VILL: variants seen among roughly 807,000 people sequenced by gnomAD.
VILL encodes villin like.
A neutral mutation model predicts 106.3 loss-of-function variants in VILL; 102 were observed. The ratio of observed to expected loss-of-function variants is 0.96; its 90% confidence interval spans 0.82 to 1.13. The LOEUF (loss-of-function observed/expected upper bound fraction) is 1.13. Among genes scored for constraint, VILL ranks in the 50% most tolerant of loss-of-function variants. VILL has a pLI of 0.00. For synonymous variants in VILL, 431 were observed against 440.3 expected (o/e 0.98, Z 0.27); for missense variants, 1,076 against 1,116.6 (o/e 0.96, Z 0.52).
At chr3:37,996,697 T>C (rs571514678) in intron 5 of VILL, among the ~76,000 whole-genome samples, 1 of 152,304 alleles carries the variant, frequency 6.6e-6, no homozygotes, top group East Asian at 1.9e-4. Context: ...TTATCTAAAG[T>C]ACTCCCTTTT....
upstream of VILL, among the ~76,000 whole-genome samples, chr3:37,988,882 AAG>A (rs1223543959): frequency 1.3e-5 from 2 of 152,184 alleles, no homozygotes; most frequent in African/African-American, 4.8e-5. Context: ...CATAAATAAA[AAG>A]GGGATACAAT....
At chr3:37,991,895 T>A (rs1030703613) in intron 1 of VILL, among the ~76,000 whole-genome samples, 1 of 151,984 alleles carries the variant, frequency 6.6e-6, no homozygotes, top group South Asian at 2.1e-4. Flanking sequence ...GAGCACCCAT[T>A]CCTCCCTGGA....
Position 37,998,468 on chromosome 3 carries a change from A to C in VILL, c.942+104A>C, listed in dbSNP as rs1295443905. On this transcript the variant is annotated intron_variant, in intron 9 of 19. Transcript: ENST00000383759. The surrounding 1 kb of genome is among the most constrained non-coding windows in gnomAD (Gnocchi z 4.1). ...CTAAGGGAGGAATCAGCCCTCCCCT[A>C]GAGTTTGAGTTGGGAAATCCTATGC... is the stretch of plus-strand genomic sequence containing the variant. The C allele has an allele frequency of 1.9e-6, 2 of 1,043,644 alleles. No individual in the cohort carries two copies. The allele number at this position is 1,043,644 out of a possible 1,614,324, so 64.6% of individuals were successfully genotyped here. A position where few individuals can be genotyped will look rare whatever the true frequency, so the allele number is the denominator to read the frequency against.
At chr3:38,001,378 C>G in intron 11 of VILL, 78 bp from the exon 12 acceptor site, 1 of 1,578,834 alleles carries the variant, frequency 6.3e-7, no homozygotes, top group Non-Finnish European at 8.6e-7. Context: ...CTGGGGAGAG[C>G]TTTCCGGTTG....
At chr3:38,002,214 A>C (rs1167134004) in intron 13 of VILL, 182 bp from the exon 14 acceptor site, 3 of 650,530 alleles carry the variant, frequency 4.6e-6, no homozygotes, top group African/African-American at 3.7e-5. Flanking sequence ...TCCCTGTCCC[A>C]GACTGATGGG....
At chr3:38,002,095 T>C in intron 13 of VILL, 1 of 714,758 alleles carries the variant, frequency 1.4e-6, no homozygotes, top group South Asian at 1.9e-5. Flanking sequence ...GGGGCTTGCC[T>C]GGGGCTGCAC....
rs138632357 is a variant in VILL, at chr3:37,999,644, T to C, written c.1182+205T>C. Among the ~76,000 whole-genome samples, 103 of 152,282 alleles carry C rather than the reference T, an allele frequency of 6.8e-4. 1 individual carries two copies. The East Asian group carries it at 0.017, about 25-fold the overall frequency. The stretch of plus-strand genomic sequence containing the variant: ...CCTAATCATACACAGCCACGGGCAC[T>C]CACACAACACAGACACACAGTACAG... On this transcript the variant is annotated intron_variant, in intron 11 of 19. Coordinates refer to ENST00000383759, the MANE Select transcript of VILL (RefSeq NM_015873.4).
intron 5 of VILL, among the ~76,000 whole-genome samples, chr3:37,996,265 G>A (rs74937282): frequency 0.016 from 2,373 of 152,276 alleles, 36 homozygotes; most frequent in Non-Finnish European, 0.027. Flanking sequence ...GCAGCACAGT[G>A]AGAGGTGGTG....
In VILL at chr3:37,998,871, G is replaced by C; in HGVS notation, c.943-41G>C. ...CCCCAGGAGCGGCAGTGGGGCAGTG[G>C]ACTCTCAGGGTCGCAGGACTGACGA... On this transcript the variant is annotated intron_variant, in intron 9 of 19. Transcript: ENST00000383759. This position sits in a 1 kb window ranked among gnomAD's most constrained non-coding sequence, Gnocchi z 4.1. The C allele has an allele frequency of 1.3e-6, 2 of 1,568,850 alleles. No individual in the cohort carries two copies. Among genetic ancestry groups the C allele is most frequent in the South Asian group, 2.3e-5 (2 of 88,368 alleles).
Position 37,993,977 on chromosome 3 carries a change from G to A in VILL, c.135+5G>A, listed in dbSNP as rs893877778. 1.8e-5 allele frequency: 29 copies of A among 1,614,084 alleles called. No homozygotes were observed. Among genetic ancestry groups the A allele is most frequent in the Non-Finnish European group, 2.4e-5 (28 of 1,180,032 alleles). On this transcript the variant is annotated splice_donor_5th_base_variant and intron_variant, in intron 3 of 19. Coordinates refer to ENST00000383759, the MANE Select transcript of VILL (RefSeq NM_015873.4). ...CACTGCTATGTCATCCTCCACGTGAGTCGCTTGGGGAAGTCTGCCTGAGAG... is the reference window on the plus strand; with the variant it reads ...CACTGCTATGTCATCCTCCACGTGAATCGCTTGGGGAAGTCTGCCTGAGAG...
chr3:37,990,890 G>C lies in VILL; in HGVS notation c.-87+61G>C, dbSNP rs1162503678. On this transcript the variant is annotated intron_variant, in intron 1 of 19. Transcript: ENST00000383759. This position sits in a 1 kb window ranked among gnomAD's most constrained non-coding sequence, Gnocchi z 5.1. ...CCAGGGAACCAGTGGGGCAGAGTGG[G>C]CTATTCAAGTCAAGGGCATAGAGCA... 6.6e-6 allele frequency: 1 copy of C among 152,460 alleles called. No homozygotes were observed. Among genetic ancestry groups the C allele is most frequent in the Non-Finnish European group, 1.5e-5 (1 of 68,230 alleles). 9.4% of individuals were successfully genotyped at this position (152,460 alleles called of 1,614,324 possible).
At position 37,998,774 on chromosome 3, in the gene VILL, C is replaced by G; in HGVS notation, c.943-138C>G. ...TCAGAGAAGTCGGTGGTGACAGAGT[C>G]AATTCGCTAAGTGGGTCATGAGCTC... On this transcript the variant is annotated intron_variant, in intron 9 of 19. Transcript: ENST00000383759. This position sits in a 1 kb window ranked among gnomAD's most constrained non-coding sequence, Gnocchi z 4.1. The G allele has an allele frequency of 7.1e-7, 1 of 1,402,356 alleles. No homozygotes were observed. The highest frequency in any genetic ancestry group is 9.4e-7 in the Non-Finnish European group (1 of 1,068,910). The allele number at this position is 1,402,356 out of a possible 1,614,324, so 86.9% of individuals were successfully genotyped here.
chr3:38,003,500 C>T, intron 15 of VILL, 187 bp downstream of exon 15: 4 of 727,742 alleles, frequency 5.5e-6, no homozygotes, highest in Non-Finnish European at 8.5e-6. Flanking sequence ...GGGTAACTTG[C>T]GTCTCTCAGA....
At position 37,997,538 on chromosome 3, in the gene VILL, A is replaced by AGG; in HGVS notation, c.618_619insGG (p.Ile207GlyfsTer68). 6.2e-7 allele frequency: 1 copy of AGG among 1,614,000 alleles called. No homozygotes were observed. Among genetic ancestry groups the AGG allele is most frequent in the South Asian group, 1.1e-5 (1 of 91,090 alleles). On this transcript the variant is annotated frameshift_variant, in exon 7 of 20. Coordinates refer to ENST00000383759, the MANE Select transcript of VILL (RefSeq NM_015873.4). LOFTEE classifies it high-confidence loss of function. This position sits in a 1 kb window ranked among gnomAD's most constrained non-coding sequence, Gnocchi z 4.7. ...AGGGAACGTGGTGGTGGTCGTGCAC[A>AGG]GATTGGTGTGGTGGATGATGAGGCC...
chr3:38,004,519 C>A, intron 16 of VILL, 120 bp downstream of exon 16: 1 of 1,342,182 alleles, frequency 7.5e-7, no homozygotes, highest in Non-Finnish European at 1.0e-6. Context: ...TGAGTCTGAC[C>A]CTGTCACTGA....
In VILL at chr3:38,004,237, G is replaced by A. The variant is rs1434441118; in HGVS notation, c.1806-18G>A. 1 of 1,600,378 alleles carries A rather than the reference G, an allele frequency of 6.2e-7. No homozygotes were observed. Among genetic ancestry groups the A allele is most frequent in the Admixed American group, 1.7e-5 (1 of 59,694 alleles). The stretch of plus-strand genomic sequence containing the variant: ...GCCCCTCTGGGTGGCTCACAGCCTT[G>A]CTGTCCGTGCTGGCCAGGCTCCCTG... On this transcript the variant is annotated intron_variant, in intron 15 of 19. Transcript: ENST00000383759.
At position 38,006,564 on chromosome 3, in the gene VILL, C is replaced by G. The variant is rs1327132737; in HGVS notation, c.2321C>G (p.Pro774Arg). The G allele has an allele frequency of 1.2e-6, 2 of 1,614,174 alleles. No individual in the cohort carries two copies. The highest frequency in any genetic ancestry group is 1.7e-6 in the Non-Finnish European group (2 of 1,180,024). ...DSSENDLVRS[P>R]KSAGSRTSSS... ...TCAGAGAATGATCTGGTGCGAAGCC[C>G]CAAGTCGGCTGGCAGCAGAACCAGC... Residue 774 changes from proline to arginine, a missense_variant, in exon 19 of 20, where the codon CCC (proline) becomes CGC (arginine). Pro to Arg is a moderately radical substitution (Grantham distance 103). Coordinates refer to ENST00000383759, the MANE Select transcript of VILL (RefSeq NM_015873.4).
upstream of VILL, among the ~76,000 whole-genome samples, chr3:37,989,135 G>A (rs1480208809): frequency 6.6e-6 from 1 of 152,194 alleles, no homozygotes; most frequent in Non-Finnish European, 1.5e-5. Context: ...CGACGGGCCA[G>A]TGGCTTGCGG....
intron 11 of VILL, 189 bp from the exon 12 acceptor site, chr3:38,001,267 G>T (rs1699810571): frequency 8.3e-6 from 7 of 844,546 alleles, no homozygotes; most frequent in Non-Finnish European, 1.3e-5. Context: ...TGGGGAAAGG[G>T]TCACCTGCAG....
Sources: gnomAD v4.1 joint callset for allele counts (sites outside exome capture counted in the v4.1 genomes callset) on GRCh38, gnomAD v4.1.1 for gene constraint, Gnocchi (gnomAD v3.1) non-coding constraint, MANE v1.5 for transcripts, NCBI Gene and HGNC (gene_info 2026-07-23, HGNC 2026-07-21) for gene names.